USP30: variants seen among roughly 807,000 people sequenced by gnomAD.
USP30 encodes the protein ubiquitin specific peptidase 30, also known as ubiquitin carboxyl-terminal hydrolase 30.
USP30 carries 41 observed loss-of-function variants against 68.2 expected under a neutral mutation model. The observed-to-expected ratio is 0.60, with a 90% CI of 0.47 to 0.78. USP30 has a LOEUF of 0.78. Ranked by LOEUF, USP30 falls within the 30% of genes least tolerant of loss-of-function variation. The probability of loss-of-function intolerance (pLI) is 0.00; values close to 1 mark genes in which losing one functional copy is unlikely to be tolerated. For missense variants in USP30, 522 were observed against 649.4 expected (o/e 0.80, Z 2.13); for synonymous variants, 229 against 253.7 (o/e 0.90, Z 0.93).
intron 3 of USP30, among the ~76,000 whole-genome samples, chr12:109,028,318 T>G (rs2040458628): frequency 6.6e-6 from 1 of 152,156 alleles, no homozygotes; most frequent in Admixed American, 6.5e-5. Flanking sequence ...AAAAGAGATT[T>G]AATTGACTCA....
intron 1 of USP30, 44 bp from the exon 2 acceptor site, chr12:109,056,638 T>C (rs2040885089): frequency 7.0e-7 from 1 of 1,438,312 alleles, no homozygotes; most frequent in Non-Finnish European, 9.6e-7. Context: ...ATTTGCCTTT[T>C]GTGTTTGTGT....
At chr12:109,047,390 C>G (rs2040615079) in intron 3 of USP30, among the ~76,000 whole-genome samples, 1 of 152,244 alleles carries the variant, frequency 6.6e-6, no homozygotes, top group African/African-American at 2.4e-5. Context: ...ACAAACAGTT[C>G]TGACATGCTG....
At chr12:109,056,861 A>C in intron 2 of USP30, 70 bp downstream of exon 2, 1 of 1,121,440 alleles carries the variant, frequency 8.9e-7, no homozygotes, top group Non-Finnish European at 1.3e-6. Flanking sequence ...AAACAGTACA[A>C]AGAAGGTGGG....
chr12:109,024,892 T>C (rs761520983), exon 2 of USP30: 1 of 152,510 alleles, frequency 6.6e-6, no homozygotes, highest in Non-Finnish European at 1.5e-5. Flanking sequence ...GTGCTGGGAT[T>C]ACAGGCGTGA....
intron 1 of USP30, among the ~76,000 whole-genome samples, chr12:109,055,167 C>G (rs1257787295): frequency 6.6e-6 from 1 of 151,314 alleles, no homozygotes; most frequent in East Asian, 1.9e-4. Context: ...GGGGAAATTT[C>G]TTAATATGTA....
chr12:109,049,928 G>C (rs1176038849), upstream of USP30, among the ~76,000 whole-genome samples: 2 of 152,226 alleles, frequency 1.3e-5, no homozygotes, highest in African/African-American at 4.8e-5. Context: ...ACTTGCTGTA[G>C]TCAGGTAGCC....
chr12:109,060,777 C>T (rs2041038833), intron 3 of USP30, among the ~76,000 whole-genome samples: 2 of 152,006 alleles, frequency 1.3e-5, no homozygotes, highest in Admixed American at 1.3e-4. Context: ...GCCTCAGCCT[C>T]CCGAGTAGCT....
In USP30 at chr12:109,081,401, C is replaced by G. The variant is rs367982832; in HGVS notation, c.780+8C>G. 20 of 1,613,418 alleles carry G rather than the reference C, an allele frequency of 1.2e-5. No individual in the cohort carries two copies. The African/African-American group carries it at 2.7e-4, about 22-fold the overall frequency. On this transcript the variant is annotated splice_region_variant and intron_variant, in intron 8 of 12. Transcript: ENST00000257548. ...ATTCCAGCCGCCACATGGGTATGTA[C>G]TGATTTATGGTTTATTTGGAGTCTG...
At chr12:109,037,278 CTCTA>C (rs1222175158) in intron 3 of USP30, among the ~76,000 whole-genome samples, 2 of 152,104 alleles carry the variant, frequency 1.3e-5, no homozygotes, top group Non-Finnish European at 2.9e-5. Flanking sequence ...TTTTAATAAT[CTCTA>C]TCTCTTTATT....
intron 3 of USP30, among the ~76,000 whole-genome samples, chr12:109,066,930 T>C (rs2135755229): frequency 6.6e-6 from 1 of 152,238 alleles, no homozygotes; most frequent in Admixed American, 6.5e-5. Flanking sequence ...AACAAATTTA[T>C]ATTGATGATG....
chr12:109,052,769 T>C lies in USP30; in HGVS notation c.83+8T>C. On this transcript the variant is annotated splice_region_variant and intron_variant, in intron 1 of 12. Transcript: ENST00000257548. ...GACCGGGGCGGCCGTCAGGTGAGAT[T>C]TTGGGGGGCGGGGCTGCCGAAGAGG... 1 of 1,444,892 alleles carries C rather than the reference T, an allele frequency of 6.9e-7. No homozygotes were observed. The highest frequency in any genetic ancestry group is 9.1e-7 in the Non-Finnish European group (1 of 1,098,952). The allele number at this position is 1,444,892 out of a possible 1,614,324, so 89.5% of individuals were successfully genotyped here. A position where few individuals can be genotyped will look rare whatever the true frequency, so the allele number is the denominator to read the frequency against.
chr12:109,056,779 A>T lies in USP30; in HGVS notation c.181A>T (p.Lys61Ter). The change falls in exon 2 of 13, where the codon AAG becomes TAG. Residue 61 changes from lysine (K) to a stop codon, truncating the protein, a stop_gained. Coordinates refer to ENST00000257548, the MANE Select transcript of USP30 (RefSeq NM_032663.5). LOFTEE classifies it high-confidence loss of function. ...VIWGPITERKKRRKGLVPGLV... is the reference protein window; with the variant it reads ...VIWGPITERK Reference sequence around the variant, plus strand: ...TTGGGGTCCCATTACAGAAAGAAAGAAGCGTAGAAAAGGTAAGAATGAGAA... The same window carrying T: ...TTGGGGTCCCATTACAGAAAGAAAGTAGCGTAGAAAAGGTAAGAATGAGAA... 4 of 1,609,514 alleles carry T rather than the reference A, an allele frequency of 2.5e-6. No homozygotes were observed. The highest frequency in any genetic ancestry group is 3.4e-6 in the Non-Finnish European group (4 of 1,178,522).
intron 3 of USP30, among the ~76,000 whole-genome samples, chr12:109,031,483 C>T (rs1048156410): frequency 6.6e-6 from 1 of 152,170 alleles, no homozygotes; most frequent in African/African-American, 2.4e-5. Context: ...TATGATCTGG[C>T]AATTCCACTC....
chr12:109,054,045 A>G (rs1319716861), intron 1 of USP30: 2 of 455,938 alleles, frequency 4.4e-6, no homozygotes, highest in Admixed American at 2.4e-5. Flanking sequence ...AAAATGAGGT[A>G]AGATTGTCAC....
At chr12:109,083,924 C>T (rs1040968522) in intron 11 of USP30, among the ~76,000 whole-genome samples, 1 of 152,084 alleles carries the variant, frequency 6.6e-6, no homozygotes, top group Admixed American at 6.5e-5. Context: ...AGATTAACAT[C>T]GAAAAGAGAT....
rs1042186604 is a variant in USP30, at chr12:109,086,154, GCATT to G, written c.*228_*231del. On this transcript the variant is annotated 3_prime_UTR_variant, in exon 13 of 13. Transcript: ENST00000257548. The stretch of plus-strand genomic sequence containing the variant: ...TAGGTGGTTCTGTTGTGTTAAGAAA[GCATT>G]CATTATGTCCGGAGTGTCTTTTTAC... 3.7e-4 allele frequency: 207 copies of G among 561,346 alleles called. No homozygotes were observed. Among genetic ancestry groups the G allele is most frequent in the Non-Finnish European group, 5.8e-4 (192 of 329,556 alleles). 34.8% of individuals were successfully genotyped at this position (561,346 alleles called of 1,614,324 possible).
chr12:109,071,844 G>T, intron 5 of USP30, 134 bp downstream of exon 5: 1 of 809,258 alleles, frequency 1.2e-6, no homozygotes, highest in Non-Finnish European at 1.9e-6. Flanking sequence ...TGAGGCCAGG[G>T]GAGGGTCTTA....
At chr12:109,054,916 G>A (rs757009452) in intron 1 of USP30, 1 of 151,826 alleles carries the variant, frequency 6.6e-6, no homozygotes, top group African/African-American at 2.4e-5. Flanking sequence ...TATAAAACAG[G>A]GTCAATATTA....
intron 7 of USP30, among the ~76,000 whole-genome samples, chr12:109,075,764 A>G (rs7957021): frequency 0.79 from 119,253 of 151,428 alleles, 47,146 homozygotes; most frequent in East Asian, 0.98. Flanking sequence ...TCATATACCC[A>G]CTGGCCATTT....
Sources: allele counts gnomAD v4.1 joint callset (sites outside exome capture counted in the v4.1 genomes callset), GRCh38; gene constraint gnomAD v4.1.1; transcripts MANE v1.5; gene names NCBI Gene and HGNC (gene_info 2026-07-23, HGNC 2026-07-21).